PWWP2A: variants seen among roughly 807,000 people sequenced by gnomAD.
The protein encoded by PWWP2A is PWWP domain containing 2A.
Under a neutral mutation model 48.5 loss-of-function variants are expected in PWWP2A, and 18 were observed. The observed-to-expected ratio is 0.37, with a 90% CI of 0.26 to 0.55. The LOEUF (loss-of-function observed/expected upper bound fraction) is 0.55. Ranked by LOEUF, PWWP2A falls within the 20% of genes least tolerant of loss-of-function variation. The pLI is 0.81. For missense variants in PWWP2A, 867 were observed against 976.4 expected (o/e 0.89, Z 1.49); for synonymous variants, 396 against 387.7 (o/e 1.02, Z -0.25).
chr5:160,104,121 T>G (rs1581240941), intron 1 of PWWP2A, among the ~76,000 whole-genome samples: 1 of 12,966 alleles, frequency 7.7e-5, no homozygotes, highest in Non-Finnish European at 1.4e-4. Flanking sequence ...AGACTCTGTC[T>G]CAAAAAAAAA....
At chr5:160,062,411 G>T (rs1753444001) in intron 5 of PWWP2A, among the ~76,000 whole-genome samples, 1 of 152,164 alleles carries the variant, frequency 6.6e-6, no homozygotes, top group Non-Finnish European at 1.5e-5. Flanking sequence ...GAGCACTGTG[G>T]CATGTAGCCT....
At chr5:160,061,075 G>A (rs35545476), downstream of PWWP2A, among the ~76,000 whole-genome samples, 405 of 152,318 alleles carry the variant, frequency 2.7e-3, 5 homozygotes, top group Non-Finnish European at 3.7e-3. Flanking sequence ...CACGGGAACC[G>A]TAGGCTGACG....
In PWWP2A at chr5:160,077,830, G is replaced by T. The variant is rs745946096; in HGVS notation, c.*325C>A. On this transcript the variant is annotated 3_prime_UTR_variant, in exon 4 of 4. Transcript: ENST00000456329. This position sits in a 1 kb window ranked among gnomAD's most constrained non-coding sequence, Gnocchi z 4.2. The stretch of plus-strand genomic sequence containing the variant: ...AGGCCTGTCCAAACTGTACTGATAA[G>T]AACTTCACATTCCAAAGAAGTTACT... 3 of 317,098 alleles carry T rather than the reference G, an allele frequency of 9.5e-6. No individual in the cohort carries two copies. The highest frequency in any genetic ancestry group is 1.8e-5 in the Non-Finnish European group (3 of 168,520). 19.6% of individuals were successfully genotyped at this position (317,098 alleles called of 1,614,324 possible).
At chr5:160,075,805 T>TAAA (rs58558222), downstream of PWWP2A, 23 of 69,820 alleles carry the variant, frequency 3.3e-4, no homozygotes, top group African/African-American at 6.8e-4. Flanking sequence ...ATTCTAATAG[T>TAAA]AAAAAAAAAA....
Position 160,092,599 on chromosome 5 carries a change from C to G in PWWP2A, c.2051G>C (p.Gly684Ala). 5.8e-6 allele frequency: 9 copies of G among 1,551,644 alleles called. No individual in the cohort carries two copies. The highest frequency in any genetic ancestry group is 7.8e-6 in the Non-Finnish European group (9 of 1,146,988). The change falls in exon 2 of 2, where the codon GGC becomes GCC. Residue 684 changes from glycine to alanine, a missense_variant. Transcript: ENST00000307063. The stretch of plus-strand genomic sequence containing the variant: ...ACGGGCCTCCTGTCGGACTAAAAGG[C>G]CGTTATCTTTCCGGCTCACAGTTAT... ...LTITVSRKDN[G>A]LLVRQEARIS...
rs1755377707 is a variant in PWWP2A at position 160,094,198 on chromosome 5, T to C, written c.585-133A>G. ...ACTATTTCATATTAAAAAACAAGAC[T>C]ACAAAAATCTACTATCTCTTCCCCC... On this transcript the variant is annotated intron_variant, in intron 1 of 1. Coordinates refer to ENST00000307063, the MANE Select transcript of PWWP2A (RefSeq NM_001130864.2). 4.5e-6 allele frequency: 5 copies of C among 1,100,158 alleles called. No homozygotes were observed. In the African/African-American group the frequency reaches 7.9e-5, roughly 17 times the overall value. 68.1% of individuals were successfully genotyped at this position (1,100,158 alleles called of 1,614,324 possible). A position where few individuals can be genotyped will look rare whatever the true frequency, so the allele number is the denominator to read the frequency against.
At chr5:160,045,137 T>C in the PWWP2A span, among the ~76,000 whole-genome samples, 2 of 152,148 alleles carry the variant, frequency 1.3e-5, no homozygotes, top group African/African-American at 4.8e-5. Flanking sequence ...AGCTTCTTTC[T>C]CTGTAACCAA....
At chr5:160,091,206 A>C (rs1358417384), downstream of PWWP2A, 1 of 972,138 alleles carries the variant, frequency 1.0e-6, no homozygotes, top group Non-Finnish European at 1.2e-6. Context: ...CTTATCTCAG[A>C]TAATATATTC....
rs764779887 is a variant in PWWP2A, at chr5:160,093,260, T to G, written c.1390A>C (p.Asn464His). ...SKVHFTRRYQNPSSGSLPPRV... is the reference protein window; with the variant it reads ...SKVHFTRRYQHPSSGSLPPRV... ...GGTGGAAGGGAACCTGAGCTAGGATTCTGATATCGACGTGTGAAATGGACT... is the reference window on the plus strand; with the variant it reads ...GGTGGAAGGGAACCTGAGCTAGGATGCTGATATCGACGTGTGAAATGGACT... The change falls in exon 2 of 2, where the codon AAT (asparagine) becomes CAT (histidine). Residue 464 changes from asparagine (N) to histidine (H), a missense_variant. Asn to His is a moderately conservative substitution (Grantham distance 68). Around this residue, in one of 4 missense-constraint regions of PWWP2A, gnomAD observed 382 missense variants for 407.2 expected, o/e 0.94. Transcript: ENST00000307063. The surrounding 1 kb of genome is among the most constrained non-coding windows in gnomAD (Gnocchi z 5.8). 6.2e-7 allele frequency: 1 copy of G among 1,614,076 alleles called. No individual in the cohort carries two copies. The highest frequency in any genetic ancestry group is 8.5e-7 in the Non-Finnish European group (1 of 1,179,898).
downstream of PWWP2A, among the ~76,000 whole-genome samples, chr5:160,070,956 C>T (rs73309402): frequency 0.012 from 1,797 of 152,268 alleles, 42 homozygotes; most frequent in African/African-American, 0.041. Context: ...GGGAGGCCAA[C>T]GCGGGCAAAT....
intron 1 of PWWP2A, chr5:160,117,800 G>A (rs1346970658): frequency 1.3e-6 from 1 of 772,926 alleles, no homozygotes; most frequent in African/African-American, 1.9e-5. Context: ...CTTGATGGGA[G>A]AGCAAGCAAG....
In PWWP2A at chr5:160,092,013, G is replaced by GATAGATATATATATATATATAT. The variant is rs1755119329; in HGVS notation, c.*368_*369insATATATATATATATATATCTAT. ...ATATGTGTGTATATATACATACACG[G>GATAGATATATATATATATATAT]ATATATATATATACACACACACACA... On this transcript the variant is annotated 3_prime_UTR_variant, in exon 2 of 2. Transcript: ENST00000307063. 6.4e-6 allele frequency: 2 copies of GATAGATATATATATATATATAT among 310,630 alleles called. No homozygotes were observed. The highest frequency in any genetic ancestry group is 8.0e-5 in the Admixed American group (1 of 12,432). 19.2% of individuals were successfully genotyped at this position (310,630 alleles called of 1,614,324 possible).
intron 2 of PWWP2A, among the ~76,000 whole-genome samples, chr5:160,069,764 G>A (rs191502358): frequency 7.9e-5 from 12 of 152,294 alleles, no homozygotes; most frequent in Admixed American, 6.5e-4. Context: ...AGCCAGTCTA[G>A]CCTGTCTTGC....
chr5:160,053,904 A>G, the PWWP2A span, among the ~76,000 whole-genome samples: 1 of 152,232 alleles, frequency 6.6e-6, no homozygotes, highest in South Asian at 2.1e-4. Context: ...GGGTAGAACA[A>G]TTATTTGCTT....
At chr5:160,111,556 C>T (rs142728699) in intron 1 of PWWP2A, among the ~76,000 whole-genome samples, 288 of 151,966 alleles carry the variant, frequency 1.9e-3, no homozygotes, top group African/African-American at 6.5e-3. Context: ...ATCACTTGGA[C>T]CCAGGAGTTC....
chr5:160,096,025 C>A (rs1246021907), intron 1 of PWWP2A, among the ~76,000 whole-genome samples: 1 of 152,092 alleles, frequency 6.6e-6, no homozygotes, highest in African/African-American at 2.4e-5. Flanking sequence ...TTCAGAATAC[C>A]TTTGCTAGGA....
intron 1 of PWWP2A, among the ~76,000 whole-genome samples, chr5:160,118,414 C>A (rs1467934836): frequency 1.3e-5 from 2 of 149,298 alleles, no homozygotes; most frequent in Non-Finnish European, 3.0e-5. Flanking sequence ...GCAAGCAATG[C>A]CCCCCGCCCC....
intron 4 of PWWP2A, chr5:160,065,115 C>CT: frequency 1.9e-6 from 3 of 1,590,286 alleles, no homozygotes; most frequent in Non-Finnish European, 2.6e-6. Context: ...GTGCTGCTTG[C>CT]TGTTAGCTAG....
intron 2 of PWWP2A, among the ~76,000 whole-genome samples, chr5:160,069,217 C>T (rs1393669938): frequency 1.3e-5 from 2 of 151,368 alleles, no homozygotes; most frequent in African/African-American, 4.9e-5. Flanking sequence ...CCCAGGAGGT[C>T]GAGGCTGCAG....
Sources: gnomAD v4.1 joint callset for allele counts (sites outside exome capture counted in the v4.1 genomes callset) on GRCh38, gnomAD v4.1.1 for gene constraint, gnomAD v4.1.1 regional missense constraint, Gnocchi (gnomAD v3.1) non-coding constraint, MANE v1.5 for transcripts, NCBI Gene and HGNC (gene_info 2026-07-23, HGNC 2026-07-21) for gene names.